Variants in ABCA13 observed in about 807,000 individuals in gnomAD.
ABCA13 encodes ATP binding cassette subfamily A member 13.
ABCA13 carries 476 observed loss-of-function variants against 478.7 expected under a neutral mutation model. The observed-to-expected ratio is 0.99, with a 90% CI of 0.92 to 1.07. The LOEUF is 1.07. ABCA13 is among the 50% of genes least tolerant of loss of function. The pLI, the probability that ABCA13 is intolerant of heterozygous loss-of-function variation, is 0.00. For synonymous variants in ABCA13, 2,252 were observed against 2,158.9 expected (o/e 1.04, Z -1.20); for missense variants, 6,060 against 5,910.6 (o/e 1.03, Z -0.83).
intron 23 of ABCA13, 135 bp downstream of exon 23, chr7:48,298,622 A>G: frequency 1.9e-6 from 2 of 1,041,510 alleles, no homozygotes; most frequent in Non-Finnish European, 2.6e-6. Context: ...TGCACAAATG[A>G]TATAATTGGA....
chr7:48,512,204 C>T (rs1015471461), intron 51 of ABCA13, among the ~76,000 whole-genome samples: 8 of 152,156 alleles, frequency 5.3e-5, no homozygotes, highest in Non-Finnish European at 7.4e-5. Context: ...TTACTACTCA[C>T]TAACCCCAAT....
chr7:48,345,274 T>C (rs1807892481), intron 29 of ABCA13, among the ~76,000 whole-genome samples: 1 of 152,234 alleles, frequency 6.6e-6, no homozygotes, highest in African/African-American at 2.4e-5. Flanking sequence ...TGTGTTTAAT[T>C]CAATTCAGAG....
intron 29 of ABCA13, among the ~76,000 whole-genome samples, chr7:48,345,908 C>G (rs1343340120): frequency 6.6e-6 from 1 of 152,154 alleles, no homozygotes; most frequent in East Asian, 1.9e-4. Flanking sequence ...TCATTTAATA[C>G]CATATAAAAT....
chr7:48,574,687 T>C (rs1392677592), intron 55 of ABCA13, among the ~76,000 whole-genome samples: 4 of 152,218 alleles, frequency 2.6e-5, no homozygotes, highest in Non-Finnish European at 5.9e-5. Flanking sequence ...ACAGCTTTGC[T>C]TAGCTCCTCT....
chr7:48,199,804 C>T (rs760578063), intron 3 of ABCA13, among the ~76,000 whole-genome samples: 12 of 152,166 alleles, frequency 7.9e-5, no homozygotes, highest in African/African-American at 1.9e-4. Flanking sequence ...TCTTATGTCT[C>T]TTCCTTACTT....
chr7:48,392,980 A>G (rs907427725), intron 38 of ABCA13, among the ~76,000 whole-genome samples: 1 of 152,214 alleles, frequency 6.6e-6, no homozygotes, highest in African/African-American at 2.4e-5. Flanking sequence ...AGGAAGATCT[A>G]GAGTTGAGAA....
chr7:48,343,165 C>G (rs1012807223), intron 29 of ABCA13, among the ~76,000 whole-genome samples: 2 of 151,576 alleles, frequency 1.3e-5, no homozygotes, highest in East Asian at 1.9e-4. Context: ...AAAATTGAAA[C>G]CAGACATTAT....
chr7:48,431,377 AC>A, intron 42 of ABCA13, among the ~76,000 whole-genome samples: 1 of 151,986 alleles, frequency 6.6e-6, no homozygotes, highest in South Asian at 2.1e-4. Context: ...AACAACAACA[AC>A]AACAACAACA....
chr7:48,314,355 G>GT lies in ABCA13; in HGVS notation c.9807dup (p.Lys3270Ter). The GT allele has an allele frequency of 6.2e-7, 1 of 1,610,694 alleles. No individual in the cohort carries two copies. The highest frequency in any genetic ancestry group is 2.2e-5 in the East Asian group (1 of 44,848). ...TAATATGTTTATTAATTTGCCCAGAGTTAAGGAACTCTTGGAAGATGACAA... is the reference window on the plus strand; with the variant it reads ...TAATATGTTTATTAATTTGCCCAGAGTTTAAGGAACTCTTGGAAGATGACAA... On this transcript the variant is annotated frameshift_variant, in exon 26 of 62. Transcript: ENST00000435803. LOFTEE classifies it high-confidence loss of function.
At chr7:48,616,897 A>T (rs530109740) in intron 59 of ABCA13, among the ~76,000 whole-genome samples, 7 of 152,106 alleles carry the variant, frequency 4.6e-5, no homozygotes, top group Non-Finnish European at 7.4e-5. Context: ...AATTATATCC[A>T]GGTGTGGTGG....
chr7:48,552,030 G>A (rs767910388), intron 55 of ABCA13, among the ~76,000 whole-genome samples: 3 of 151,766 alleles, frequency 2.0e-5, no homozygotes, highest in African/African-American at 7.3e-5. Context: ...TAAACTCCTT[G>A]TCAAATCATC....
chr7:48,577,627 T>C (rs1342438625), intron 55 of ABCA13, among the ~76,000 whole-genome samples: 1 of 152,146 alleles, frequency 6.6e-6, no homozygotes, highest in Non-Finnish European at 1.5e-5. Context: ...ACTTAGGTGA[T>C]CTCACTGGTG....
At chr7:48,543,547 C>A (rs1017739277) in intron 55 of ABCA13, among the ~76,000 whole-genome samples, 2 of 151,494 alleles carry the variant, frequency 1.3e-5, no homozygotes, top group African/African-American at 4.8e-5. Flanking sequence ...TCGCTTGAAC[C>A]CAGGAGTCGG....
At chr7:48,336,351 T>C (rs2128946366) in intron 28 of ABCA13, among the ~76,000 whole-genome samples, 1 of 152,280 alleles carries the variant, frequency 6.6e-6, no homozygotes, top group East Asian at 1.9e-4. Flanking sequence ...AAGACAGGAT[T>C]ACATGTGCAA....
At chr7:48,291,839 G>C (rs1378434614) in intron 20 of ABCA13, among the ~76,000 whole-genome samples, 1 of 152,082 alleles carries the variant, frequency 6.6e-6, no homozygotes. Context: ...CTCACCTCCG[G>C]CTTCTGAGCC....
chr7:48,485,048 T>C (rs1329080430), intron 47 of ABCA13, among the ~76,000 whole-genome samples: 9 of 152,232 alleles, frequency 5.9e-5, no homozygotes, highest in Admixed American at 2.6e-4. Flanking sequence ...TCTTGTAGAA[T>C]GTCTCTTGTG....
At chr7:48,404,899 G>T (rs753237032) in intron 39 of ABCA13, among the ~76,000 whole-genome samples, 1 of 152,258 alleles carries the variant, frequency 6.6e-6, no homozygotes, top group Non-Finnish European at 1.5e-5. Context: ...AAGATAGATA[G>T]AAGTGGGAAA....
intron 42 of ABCA13, among the ~76,000 whole-genome samples, chr7:48,438,884 G>GTTTTGT (rs377348909): frequency 1.4e-5 from 2 of 139,398 alleles, no homozygotes; most frequent in Non-Finnish European, 1.5e-5. Context: ...TTTTGCTAAG[G>GTTTTGT]TTTTTTTTTT....
At chr7:48,632,608 G>A (rs1315278005) in intron 59 of ABCA13, among the ~76,000 whole-genome samples, 1 of 151,880 alleles carries the variant, frequency 6.6e-6, no homozygotes, top group South Asian at 2.1e-4. Flanking sequence ...CTGTGTGTGA[G>A]GTAGGGTCCC....
Sources: gnomAD v4.1 joint callset for allele counts (sites outside exome capture counted in the v4.1 genomes callset) on GRCh38, gnomAD v4.1.1 for gene constraint, MANE v1.5 for transcripts, NCBI Gene and HGNC (gene_info 2026-07-23, HGNC 2026-07-21) for gene names.